Variants in ZNF583 observed in about 807,000 individuals in gnomAD.
The protein encoded by ZNF583 is zinc finger protein L3-5.
In ZNF583, 30 loss-of-function variants were observed where a neutral mutation model predicts 55.3. That is an observed-to-expected ratio of 0.54 (90% confidence interval 0.41 to 0.74). The LOEUF is 0.74. Among genes scored for constraint, ZNF583 ranks in the 30% least tolerant of loss-of-function variants. The pLI is 0.00. For synonymous variants in ZNF583, 208 were observed against 220.0 expected (o/e 0.95, Z 0.48); for missense variants, 504 against 664.7 (o/e 0.76, Z 2.66).
At chr19:56,418,404 G>T (rs1193848692) in intron 4 of ZNF583, among the ~76,000 whole-genome samples, 1 of 151,936 alleles carries the variant, frequency 6.6e-6, no homozygotes, top group Non-Finnish European at 1.5e-5. Context: ...GCAAGACTCT[G>T]TCTGAAAAAG....
chr19:56,414,099 C>T lies in ZNF583; in HGVS notation c.136+14C>T. On this transcript the variant is annotated intron_variant, in intron 3 of 4. Coordinates refer to ENST00000333201, the MANE Select transcript of ZNF583 (RefSeq NM_152478.3). ...TGGTATCATTGGGTAAGGACATGTCCCCTTAATTCAGAATCTGTACATGGG... is the reference window on the plus strand; with the variant it reads ...TGGTATCATTGGGTAAGGACATGTCTCCTTAATTCAGAATCTGTACATGGG... 2 of 1,569,962 alleles carry T rather than the reference C, an allele frequency of 1.3e-6. No homozygotes were observed. Among genetic ancestry groups the T allele is most frequent in the East Asian group, 4.5e-5 (2 of 44,688 alleles).
intron 1 of ZNF583, among the ~76,000 whole-genome samples, chr19:56,405,638 T>C (rs756941652): frequency 2.4e-4 from 37 of 152,072 alleles, no homozygotes; most frequent in Admixed American, 5.2e-4. Flanking sequence ...CTGCTTGTCC[T>C]CTGGCACAGT....
At chr19:56,419,865 CT>C (rs2042387166) in intron 4 of ZNF583, among the ~76,000 whole-genome samples, 1 of 152,084 alleles carries the variant, frequency 6.6e-6, no homozygotes, top group Admixed American at 6.5e-5. Context: ...GATATCTGTT[CT>C]TTTTTTCTTG....
Position 56,426,278 on chromosome 19 carries a change from C to G in ZNF583, c.*1910C>G, listed in dbSNP as rs1018763087. The G allele has an allele frequency of 6.6e-6, 1 of 152,062 alleles. No individual in the cohort carries two copies. The highest frequency in any genetic ancestry group is 1.9e-4 in the East Asian group (1 of 5,188). The allele number at this position is 152,062 out of a possible 1,614,324, so 9.4% of individuals were successfully genotyped here. ...ATCGTGCTCTATACAACAATTCATT[C>G]CATATGTGAAAGTTACTTTCAAGTG... is the stretch of plus-strand genomic sequence containing the variant. On this transcript the variant is annotated 3_prime_UTR_variant, in exon 5 of 5. Coordinates refer to ENST00000333201, the MANE Select transcript of ZNF583 (RefSeq NM_152478.3).
intron 4 of ZNF583, among the ~76,000 whole-genome samples, chr19:56,417,402 A>G (rs559637128): frequency 2.6e-5 from 4 of 152,298 alleles, no homozygotes; most frequent in Admixed American, 1.3e-4. Context: ...TGTGGTTTTA[A>G]TATGCATTTC....
In ZNF583 at chr19:56,425,227, T is replaced by G. The variant is rs2042483925; in HGVS notation, c.*859T>G. On this transcript the variant is annotated 3_prime_UTR_variant, in exon 5 of 5. Transcript: ENST00000333201. ...GTCTTATTTTAAAAGTCTTTTTTTT[T>G]GAGATGGAGTCTTGCTCTGTTGCTC... 1.3e-5 allele frequency: 2 copies of G among 151,712 alleles called. No individual in the cohort carries two copies. Among genetic ancestry groups the G allele is most frequent in the Non-Finnish European group, 2.9e-5 (2 of 67,940 alleles). 9.4% of individuals were successfully genotyped at this position (151,712 alleles called of 1,614,324 possible). A position where few individuals can be genotyped will look rare whatever the true frequency, so the allele number is the denominator to read the frequency against.
chr19:56,406,909 C>CT lies in ZNF583; in HGVS notation c.-89-116dup, dbSNP rs2042162862. 4 of 553,792 alleles carry CT rather than the reference C, an allele frequency of 7.2e-6. No homozygotes were observed. In the South Asian group the frequency reaches 1.0e-4, roughly 15 times the overall value. 34.3% of individuals were successfully genotyped at this position (553,792 alleles called of 1,614,324 possible). A position where few individuals can be genotyped will look rare whatever the true frequency, so the allele number is the denominator to read the frequency against. On this transcript the variant is annotated intron_variant, in intron 1 of 4. Coordinates refer to ENST00000333201, the MANE Select transcript of ZNF583 (RefSeq NM_152478.3). ...ATAAATGAATTGCTCAGTGATACCT[C>CT]TAATTTACTCCTGAGGTTGGGGAAA...
At chr19:56,420,474 A>AT (rs1396416016) in intron 4 of ZNF583, among the ~76,000 whole-genome samples, 7 of 151,932 alleles carry the variant, frequency 4.6e-5, no homozygotes, top group Admixed American at 2.6e-4. Context: ...CTTTGTTACT[A>AT]TTTTTTCCTA....
chr19:56,418,659 T>C (rs1440317780), intron 4 of ZNF583, among the ~76,000 whole-genome samples: 1 of 152,212 alleles, frequency 6.6e-6, no homozygotes, highest in South Asian at 2.1e-4. Context: ...CTCACAGTTA[T>C]TTTGTAGGTC....
intron 4 of ZNF583, among the ~76,000 whole-genome samples, chr19:56,416,204 T>C (rs1171914592): frequency 6.6e-6 from 1 of 151,282 alleles, no homozygotes; most frequent in Non-Finnish European, 1.5e-5. Flanking sequence ...CAGGCTCCTG[T>C]AATCCCAGCT....
intron 4 of ZNF583, among the ~76,000 whole-genome samples, chr19:56,417,264 CTG>C (rs1455543897): frequency 6.6e-6 from 1 of 152,158 alleles, no homozygotes; most frequent in Non-Finnish European, 1.5e-5. Context: ...CTGTTAGAAA[CTG>C]TCAGTTTTCT....
At chr19:56,421,504 G>A (rs1280641359) in intron 4 of ZNF583, 35 of 985,106 alleles carry the variant, frequency 3.6e-5, no homozygotes, top group Non-Finnish European at 3.7e-5. Context: ...GCAGCACAGC[G>A]GAATTAGCAG....
At chr19:56,408,475 A>C (rs1261847086) in intron 2 of ZNF583, among the ~76,000 whole-genome samples, 1 of 152,248 alleles carries the variant, frequency 6.6e-6, no homozygotes, top group African/African-American at 2.4e-5. Flanking sequence ...GTATGTAGCT[A>C]GTAGCTAGTG....
intron 4 of ZNF583, among the ~76,000 whole-genome samples, chr19:56,420,652 C>T (rs2042400129): frequency 6.6e-6 from 1 of 152,052 alleles, no homozygotes; most frequent in South Asian, 2.1e-4. Flanking sequence ...TATTACTATA[C>T]GTCTCTATCT....
At chr19:56,421,461 A>T in intron 4 of ZNF583, 1 of 985,360 alleles carries the variant, frequency 1.0e-6, no homozygotes, top group Non-Finnish European at 1.2e-6. Flanking sequence ...GCAACTGTTT[A>T]GAGAGGAAAG....
At chr19:56,414,115 T>C in intron 3 of ZNF583, 30 bp downstream of exon 3, 1 of 1,558,420 alleles carries the variant, frequency 6.4e-7, no homozygotes, top group Non-Finnish European at 8.6e-7. Context: ...ATTCAGAATC[T>C]GTACATGGGA....
chr19:56,423,111 A>G lies in ZNF583; in HGVS notation c.453A>G (p.Pro151=). Residue 151 remains proline, a synonymous_variant, in exon 5 of 5, where the codon CCA becomes CCG. Transcript: ENST00000333201. ...QLIITHKEIL[P]EVQNKEYNKS... Reference sequence around the variant, plus strand: ...TCATCACTCATAAAGAAATCCTTCCAGAAGTTCAAAATAAAGAATATAACA... The same window carrying G: ...TCATCACTCATAAAGAAATCCTTCCGGAAGTTCAAAATAAAGAATATAACA... 1 of 1,612,200 alleles carries G rather than the reference A, an allele frequency of 6.2e-7. No individual in the cohort carries two copies. The highest frequency in any genetic ancestry group is 8.5e-7 in the Non-Finnish European group (1 of 1,179,488).
intron 4 of ZNF583, among the ~76,000 whole-genome samples, chr19:56,415,391 G>A (rs1248310532): frequency 3.3e-5 from 5 of 152,064 alleles, no homozygotes; most frequent in African/African-American, 9.7e-5. Context: ...CATGCAACTG[G>A]TTTAGAAGAT....
chr19:56,423,301 A>G lies in ZNF583; in HGVS notation c.643A>G (p.Asn215Asp). Residue 215 changes from asparagine to aspartate, a missense_variant, in exon 5 of 5, where the codon AAT becomes GAT. Coordinates refer to ENST00000333201, the MANE Select transcript of ZNF583 (RefSeq NM_152478.3). ...VYVEKKLLKC[N>D]DCEKVFNQSS... Reference sequence around the variant, plus strand: ...TGTAGAAAAGAAACTTTTGAAATGTAATGATTGTGAGAAAGTCTTCAACCA... The same window carrying G: ...TGTAGAAAAGAAACTTTTGAAATGTGATGATTGTGAGAAAGTCTTCAACCA... The G allele has an allele frequency of 6.2e-7, 1 of 1,610,154 alleles. No homozygotes were observed. The highest frequency in any genetic ancestry group is 1.1e-5 in the South Asian group (1 of 90,166).
Sources: allele counts gnomAD v4.1 joint callset (sites outside exome capture counted in the v4.1 genomes callset), GRCh38; gene constraint gnomAD v4.1.1; transcripts MANE v1.5; gene names NCBI Gene and HGNC (gene_info 2026-07-23, HGNC 2026-07-21).